EPM2A: variants seen among roughly 807,000 people sequenced by gnomAD.
The protein encoded by EPM2A is laforin.
In EPM2A, 21 loss-of-function variants were observed where a neutral mutation model predicts 26.5. The ratio of observed to expected loss-of-function variants is 0.79; its 90% CI spans 0.56 to 1.14. EPM2A has a LOEUF of 1.14. Among genes scored for constraint, EPM2A ranks in the 50% most tolerant of loss-of-function variants. The pLI is 0.00. For synonymous variants in EPM2A, 217 were observed against 177.6 expected (o/e 1.22, Z -1.76); for missense variants, 458 against 440.8 (o/e 1.04, Z -0.35).
At chr6:145,425,225 G>A (rs1220981123) in intron 4 of EPM2A, among the ~76,000 whole-genome samples, 1 of 150,876 alleles carries the variant, frequency 6.6e-6, no homozygotes, top group Non-Finnish European at 1.5e-5. Context: ...CCAGGCTGGA[G>A]TGCAGTGGCG....
chr6:145,524,495 T>G (rs962068364), intron 2 of EPM2A, among the ~76,000 whole-genome samples: 4 of 152,178 alleles, frequency 2.6e-5, no homozygotes, highest in Non-Finnish European at 5.9e-5. Flanking sequence ...GGCATCTCAT[T>G]ATAGTTTTGA....
At chr6:145,690,987 A>C (rs1307553902) in intron 1 of EPM2A, among the ~76,000 whole-genome samples, 2 of 152,096 alleles carry the variant, frequency 1.3e-5, no homozygotes, top group Non-Finnish European at 2.9e-5. Context: ...AAAAAAAAAA[A>C]AAACAGACAC....
intron 4 of EPM2A, among the ~76,000 whole-genome samples, chr6:145,403,745 A>G (rs1778528743): frequency 1.3e-5 from 2 of 152,096 alleles, no homozygotes; most frequent in African/African-American, 4.8e-5. Flanking sequence ...CTAGCTCTTT[A>G]ATATAATGAT....
chr6:145,421,281 T>A (rs1251308145), intron 4 of EPM2A, among the ~76,000 whole-genome samples: 1 of 152,192 alleles, frequency 6.6e-6, no homozygotes, highest in Non-Finnish European at 1.5e-5. Flanking sequence ...TTATATTCCA[T>A]AGTTTCATGT....
intron 4 of EPM2A, among the ~76,000 whole-genome samples, chr6:145,493,092 C>A (rs1200064470): frequency 6.6e-6 from 1 of 152,154 alleles, no homozygotes; most frequent in African/African-American, 2.4e-5. Flanking sequence ...TTCCCTACCC[C>A]TCCATTTCCC....
intron 2 of EPM2A, among the ~76,000 whole-genome samples, chr6:145,597,889 G>A (rs1781368721): frequency 6.6e-6 from 1 of 152,146 alleles, no homozygotes; most frequent in African/African-American, 2.4e-5. Flanking sequence ...GCATGTTTCT[G>A]CAAACGACAT....
intron 2 of EPM2A, among the ~76,000 whole-genome samples, chr6:145,514,125 G>A (rs1335156144): frequency 6.6e-6 from 1 of 152,140 alleles, no homozygotes; most frequent in Non-Finnish European, 1.5e-5. Flanking sequence ...TTAGTCACAT[G>A]GTCCACCGTA....
chr6:145,662,087 C>T (rs779189350), intron 2 of EPM2A, among the ~76,000 whole-genome samples: 6 of 152,172 alleles, frequency 3.9e-5, no homozygotes, highest in Non-Finnish European at 7.3e-5. Flanking sequence ...CATTTCCCCA[C>T]CTACTGTCAC....
At chr6:145,390,215 TG>T (rs1348673379) in intron 4 of EPM2A, among the ~76,000 whole-genome samples, 5 of 152,172 alleles carry the variant, frequency 3.3e-5, no homozygotes, top group African/African-American at 1.2e-4. Flanking sequence ...GGGCAGTCTT[TG>T]TTCTATTAAG....
At chr6:145,392,861 G>T (rs1204424578) in intron 4 of EPM2A, among the ~76,000 whole-genome samples, 1 of 152,038 alleles carries the variant, frequency 6.6e-6, no homozygotes, top group African/African-American at 2.4e-5. Flanking sequence ...GCAGCCTTTA[G>T]GAGGGCTCAG....
At chr6:145,680,480 T>C (rs1409720402) in intron 2 of EPM2A, among the ~76,000 whole-genome samples, 2 of 151,962 alleles carry the variant, frequency 1.3e-5, no homozygotes, top group Admixed American at 1.3e-4. Context: ...CATGCTGGTG[T>C]GCTGCACCCA....
At chr6:145,553,378 C>A (rs771833647) in intron 2 of EPM2A, among the ~76,000 whole-genome samples, 1 of 152,090 alleles carries the variant, frequency 6.6e-6, no homozygotes, top group Non-Finnish European at 1.5e-5. Context: ...TCAAATTGAA[C>A]CTTTATTCCC....
intron 2 of EPM2A, among the ~76,000 whole-genome samples, chr6:145,584,140 G>A (rs1225388661): frequency 6.6e-6 from 1 of 152,222 alleles, no homozygotes; most frequent in Non-Finnish European, 1.5e-5. Flanking sequence ...AGCAATGGGG[G>A]ATGGCTGTAG....
In EPM2A at chr6:145,683,313, G is replaced by GTGTGTGTGTA. The variant is rs1178628366; in HGVS notation, c.476+2808_476+2809insTACACACACA. Among the ~76,000 whole-genome samples, 176 of 147,422 alleles carry GTGTGTGTGTA rather than the reference G, an allele frequency of 1.2e-3. 1 individual carries two copies. The highest frequency in any genetic ancestry group is 0.011 in the Middle Eastern group (3 of 282). The stretch of plus-strand genomic sequence containing the variant: ...TGTGTGTGTGTGTGTGTGTGAGTGT[G>GTGTGTGTGTA]TATATATTAGATTATATATTATACT... On this transcript the variant is annotated intron_variant, in intron 2 of 3. Coordinates refer to ENST00000367519, the MANE Select transcript of EPM2A (RefSeq NM_005670.4).
intron 4 of EPM2A, among the ~76,000 whole-genome samples, chr6:145,453,132 A>C (rs12524615): frequency 6.6e-6 from 1 of 152,148 alleles, no homozygotes; most frequent in South Asian, 2.1e-4. Context: ...GATGCTGTTT[A>C]CTTGTCCAAC....
chr6:145,397,407 C>T (rs934851466), intron 4 of EPM2A, among the ~76,000 whole-genome samples: 2 of 152,038 alleles, frequency 1.3e-5, no homozygotes, highest in Non-Finnish European at 2.9e-5. Flanking sequence ...CGCCATTGCA[C>T]TCCAGCTTGG....
At chr6:145,707,483 C>A (rs1262434908) in intron 1 of EPM2A, among the ~76,000 whole-genome samples, 4 of 152,152 alleles carry the variant, frequency 2.6e-5, no homozygotes, top group Non-Finnish European at 4.4e-5. Flanking sequence ...CCATAATTTC[C>A]ATGTGTCATG....
intron 4 of EPM2A, among the ~76,000 whole-genome samples, chr6:145,447,966 C>G (rs1272780488): frequency 6.6e-6 from 1 of 152,032 alleles, no homozygotes; most frequent in Non-Finnish European, 1.5e-5. Context: ...GGTAGGACTT[C>G]TTATACTTGA....
At chr6:145,619,252 G>A (rs181339711) in intron 2 of EPM2A, among the ~76,000 whole-genome samples, 2 of 152,142 alleles carry the variant, frequency 1.3e-5, no homozygotes, top group African/African-American at 2.4e-5. Flanking sequence ...TCAGAAGAAA[G>A]CAGTGGAATG....
Sources: gnomAD v4.1 joint callset for allele counts (sites outside exome capture counted in the v4.1 genomes callset) on GRCh38, gnomAD v4.1.1 for gene constraint, MANE v1.5 for transcripts, NCBI Gene and HGNC (gene_info 2026-07-23, HGNC 2026-07-21) for gene names.